The following ZDHHC18 variants were observed in gnomAD, a reference collection of about 807,000 sequenced individuals.
ZDHHC18 encodes zDHHC palmitoyltransferase 18.
Under a neutral mutation model 37.5 loss-of-function variants are expected in ZDHHC18, and 23 were observed. The ratio of observed to expected loss-of-function variants is 0.61; its 90% CI spans 0.44 to 0.87. The LOEUF (loss-of-function observed/expected upper bound fraction) is 0.87. Among genes scored for constraint, ZDHHC18 ranks in the 40% least tolerant of loss-of-function variants. ZDHHC18 has a pLI of 0.00. For synonymous variants in ZDHHC18, 185 were observed against 218.7 expected, an observed-to-expected ratio of 0.85 and a Z score of 1.36; for missense variants, 406 against 525.6, an observed-to-expected ratio of 0.77 and a Z score of 2.22.
intron 2 of ZDHHC18, among the ~76,000 whole-genome samples, chr1:26,844,298 C>G (rs1253938490): frequency 6.6e-6 from 1 of 152,142 alleles, no homozygotes; most frequent in Non-Finnish European, 1.5e-5. Context: ...CTTGGCCTCC[C>G]AAAGTTCTGG....
intron 1 of ZDHHC18, 103 bp downstream of exon 1, chr1:26,827,242 C>A: frequency 2.0e-6 from 2 of 977,484 alleles, no homozygotes; most frequent in Non-Finnish European, 2.7e-6. Context: ...CCTCCCTGGT[C>A]CTCATCCTCC....
At position 26,854,314 on chromosome 1, in the gene ZDHHC18, T is replaced by G; in HGVS notation, c.*471T>G. On this transcript the variant is annotated 3_prime_UTR_variant, in exon 8 of 8. Coordinates refer to ENST00000374142, the MANE Select transcript of ZDHHC18 (RefSeq NM_032283.3). The surrounding 1 kb of genome is among the most constrained non-coding windows in gnomAD (Gnocchi z 4.6). ...CTGCTTTGGTCTGTGGGCTCCTTCA[T>G]TCCCTTGGTGATAATTTCCCTTTAT... is the stretch of plus-strand genomic sequence containing the variant. The G allele has an allele frequency of 6.5e-6, 1 of 154,038 alleles. No homozygotes were observed. The highest frequency in any genetic ancestry group is 1.4e-5 in the Non-Finnish European group (1 of 69,248). 9.5% of individuals were successfully genotyped at this position (154,038 alleles called of 1,614,324 possible).
intron 2 of ZDHHC18, among the ~76,000 whole-genome samples, chr1:26,838,859 A>G (rs1461205264): frequency 1.3e-5 from 2 of 152,256 alleles, no homozygotes; most frequent in Non-Finnish European, 2.9e-5. Flanking sequence ...GGCCCCATGA[A>G]CCCCAGAGAT....
chr1:26,826,745 C>T lies in ZDHHC18; in HGVS notation c.-60C>T, dbSNP rs919742780. On this transcript the variant is annotated 5_prime_UTR_variant, in exon 1 of 8. Transcript: ENST00000374142. This position sits in a 1 kb window ranked among gnomAD's most constrained non-coding sequence, Gnocchi z 5.2. ...CCGCTGCCACCTCCGCTGCTCGGCCCGGTCCCGGAGTGGCCCGGCCGGCCC... is the reference window on the plus strand; with the variant it reads ...CCGCTGCCACCTCCGCTGCTCGGCCTGGTCCCGGAGTGGCCCGGCCGGCCC... 11 of 861,980 alleles carry T rather than the reference C, an allele frequency of 1.3e-5. No homozygotes were observed. Among genetic ancestry groups the T allele is most frequent in the Middle Eastern group, 5.7e-4 (1 of 1,742 alleles). 53.4% of individuals were successfully genotyped at this position (861,980 alleles called of 1,614,324 possible).
chr1:26,828,454 C>T (rs982814522), intron 1 of ZDHHC18, among the ~76,000 whole-genome samples: 3 of 151,924 alleles, frequency 2.0e-5, no homozygotes, highest in Non-Finnish European at 4.4e-5. Flanking sequence ...CATGAGGTCA[C>T]ACATGCAAGC....
At chr1:26,843,080 G>A (rs1037529108) in intron 2 of ZDHHC18, among the ~76,000 whole-genome samples, 3 of 152,016 alleles carry the variant, frequency 2.0e-5, no homozygotes, top group Admixed American at 1.3e-4. Flanking sequence ...CTGCTCTGCC[G>A]ATATACCAGG....
chr1:26,852,648 A>G (rs1483421682), intron 6 of ZDHHC18, 105 bp from the exon 7 acceptor site: 1 of 911,844 alleles, frequency 1.1e-6, no homozygotes, highest in African/African-American at 1.7e-5. Flanking sequence ...TTCTGTAACC[A>G]GAATTGGTTT....
Position 26,852,752 on chromosome 1 carries a change from G to T in ZDHHC18, c.937-1G>T. 6.2e-7 allele frequency: 1 copy of T among 1,613,940 alleles called. No individual in the cohort carries two copies. Among genetic ancestry groups the T allele is most frequent in the Non-Finnish European group, 8.5e-7 (1 of 1,179,882 alleles). On this transcript the variant is annotated splice_acceptor_variant, in intron 6 of 7. Transcript: ENST00000374142. LOFTEE classifies it high-confidence loss of function. Reference sequence around the variant, plus strand: ...GACCTAGGCCTCCTTCCTGCTTGCAGATCAAAGGCTCGTGGTCCAGCAAGA... The same window carrying T: ...GACCTAGGCCTCCTTCCTGCTTGCATATCAAAGGCTCGTGGTCCAGCAAGA...
chr1:26,856,420 C>T lies in ZDHHC18; in HGVS notation c.*2577C>T, dbSNP rs990130442. 9.2e-5 allele frequency: 26 copies of T among 283,234 alleles called. No homozygotes were observed. The highest frequency in any genetic ancestry group is 4.3e-4 in the East Asian group (5 of 11,678). 17.5% of individuals were successfully genotyped at this position (283,234 alleles called of 1,614,324 possible). On this transcript the variant is annotated 3_prime_UTR_variant, in exon 8 of 8. Transcript: ENST00000374142. The surrounding 1 kb of genome is among the most constrained non-coding windows in gnomAD (Gnocchi z 5.2). ...GGTGGTAGGGTCTCCAGGGACTCCC[C>T]GCTAAGCAGAAGGATCGGGATATAG... is the stretch of plus-strand genomic sequence containing the variant.
chr1:26,839,112 C>A (rs2081626429), intron 2 of ZDHHC18, among the ~76,000 whole-genome samples: 1 of 152,390 alleles, frequency 6.6e-6, no homozygotes, highest in East Asian at 1.9e-4. Context: ...CTGCTCCTCT[C>A]CGAGAGCTGT....
chr1:26,847,078 G>A (rs2081672637), intron 2 of ZDHHC18, among the ~76,000 whole-genome samples: 1 of 151,422 alleles, frequency 6.6e-6, no homozygotes, highest in Admixed American at 6.6e-5. Flanking sequence ...TGTATTTTTA[G>A]TAGAGACGGG....
intron 6 of ZDHHC18, among the ~76,000 whole-genome samples, chr1:26,851,502 A>G (rs2081704198): frequency 6.6e-6 from 1 of 152,182 alleles, no homozygotes; most frequent in African/African-American, 2.4e-5. Context: ...CAGTACTCAC[A>G]CCACAGCACG....
rs1328385514 is a variant in ZDHHC18 at position 26,844,366 on chromosome 1, T to A, written c.497-4242T>A. Among the ~76,000 whole-genome samples, 33 of 152,168 alleles carry A rather than the reference T, an allele frequency of 2.2e-4. 1 individual carries two copies. Among genetic ancestry groups the A allele is most frequent in the Admixed American group, 2.2e-3 (33 of 15,258 alleles). ...ACAATGTTTATGAGATTCATTAATA[T>A]TATTGTGTGTAGTTGACGATGGTTC... On this transcript the variant is annotated intron_variant, in intron 2 of 7. Transcript: ENST00000374142.
chr1:26,850,139 G>A lies in ZDHHC18; in HGVS notation c.647-162G>A, dbSNP rs1044330027. The stretch of plus-strand genomic sequence containing the variant: ...AGAATGTATCAGGCAGTGGGAACTG[G>A]TACACAAAGGACCAGAGGCAGGTGT... On this transcript the variant is annotated intron_variant, in intron 3 of 7. Coordinates refer to ENST00000374142, the MANE Select transcript of ZDHHC18 (RefSeq NM_032283.3). The surrounding 1 kb of genome is among the most constrained non-coding windows in gnomAD (Gnocchi z 6.1). Among the ~76,000 whole-genome samples the A allele has an allele frequency of 1.3e-5, 2 of 152,290 alleles. No homozygotes were observed. The highest frequency in any genetic ancestry group is 2.9e-5 in the Non-Finnish European group (2 of 68,028).
intron 2 of ZDHHC18, among the ~76,000 whole-genome samples, chr1:26,840,885 T>C (rs2081635440): frequency 6.6e-6 from 1 of 151,534 alleles, no homozygotes; most frequent in Admixed American, 6.6e-5. Context: ...GTAGTAGTTA[T>C]CTCTCTTGTT....
chr1:26,831,768 A>G (rs2081589740), intron 1 of ZDHHC18, among the ~76,000 whole-genome samples: 1 of 152,180 alleles, frequency 6.6e-6, no homozygotes, highest in South Asian at 2.1e-4. Context: ...ATACCTGCCT[A>G]CCTTGGGTCA....
intron 2 of ZDHHC18, among the ~76,000 whole-genome samples, chr1:26,843,213 G>A (rs1357933415): frequency 6.7e-6 from 1 of 149,348 alleles, no homozygotes; most frequent in Non-Finnish European, 1.5e-5. Flanking sequence ...CGACTGTTCA[G>A]CTCACTGCAA....
chr1:26,851,811 G>A (rs1011081180), intron 6 of ZDHHC18, among the ~76,000 whole-genome samples: 5 of 152,182 alleles, frequency 3.3e-5, no homozygotes, highest in Non-Finnish European at 7.3e-5. Context: ...TGCACGCCTG[G>A]GGGAGACAGG....
intron 2 of ZDHHC18, among the ~76,000 whole-genome samples, chr1:26,848,172 C>T (rs982272360): frequency 9.2e-5 from 14 of 152,030 alleles, no homozygotes; most frequent in African/African-American, 2.2e-4. Flanking sequence ...ATTAGCTGGG[C>T]GTGGTGGCAC....
Sources: allele counts gnomAD v4.1 joint callset (sites outside exome capture counted in the v4.1 genomes callset), GRCh38; gene constraint gnomAD v4.1.1; non-coding constraint Gnocchi (gnomAD v3.1); transcripts MANE v1.5; gene names NCBI Gene and HGNC (gene_info 2026-07-23, HGNC 2026-07-21).